RNF112: variants seen among roughly 807,000 people sequenced by gnomAD.
RNF112 encodes brain finger protein.
In RNF112, 34 loss-of-function variants were observed where a neutral mutation model predicts 64.7. The ratio of observed to expected loss-of-function variants is 0.53; its 90% CI spans 0.40 to 0.70. The LOEUF (loss-of-function observed/expected upper bound fraction) is 0.70, where lower values mean the gene tolerates loss of function less well. RNF112 is among the 30% of genes least tolerant of loss of function. The pLI, the probability that RNF112 is intolerant of heterozygous loss-of-function variation, is 0.00. For synonymous variants in RNF112, 345 were observed against 344.5 expected (o/e 1.00, Z -0.02); for missense variants, 734 against 850.0 (o/e 0.86, Z 1.70).
At position 19,411,360 on chromosome 17, in the gene RNF112, T is replaced by C; in HGVS notation, c.-49T>C. 6.3e-7 allele frequency: 1 copy of C among 1,582,930 alleles called. No homozygotes were observed. Among genetic ancestry groups the C allele is most frequent in the Non-Finnish European group, 8.6e-7 (1 of 1,162,906 alleles). ...GCATCCTTACCTCTGGTTGAAGGTC[T>C]CGGGGCCTCCCCCTCTGCATCCGGA... On this transcript the variant is annotated 5_prime_UTR_variant, in exon 1 of 14. Transcript: ENST00000461366.
Position 19,414,884 on chromosome 17 carries a change from G to T in RNF112, c.1123G>T (p.Gly375Cys). The T allele has an allele frequency of 6.2e-7, 1 of 1,613,264 alleles. No individual in the cohort carries two copies. Among genetic ancestry groups the T allele is most frequent in the African/African-American group, 1.3e-5 (1 of 75,030 alleles). ...RRMNQGHASPGDTDDDFRHLL... is the reference protein window; with the variant it reads ...RRMNQGHASPCDTDDDFRHLL... Reference sequence around the variant, plus strand: ...GATGAACCAAGGCCATGCAAGCCCTGGTGGTGAGTGTCTCTGAGAGCTGAA... The same window carrying T: ...GATGAACCAAGGCCATGCAAGCCCTTGTGGTGAGTGTCTCTGAGAGCTGAA... The change falls in exon 10 of 14, where the codon GGT becomes TGT. Residue 375 changes from glycine (G) to cysteine (C), a missense_variant. Gly to Cys is a radical substitution (Grantham distance 159, BLOSUM62 -3). Coordinates refer to ENST00000461366, the MANE Select transcript of RNF112 (RefSeq NM_007148.5).
Position 19,416,366 on chromosome 17 carries a change from C to A in RNF112, c.*191C>A, listed in dbSNP as rs1028146926. The A allele has an allele frequency of 4.3e-5, 25 of 574,870 alleles. No individual in the cohort carries two copies. The highest frequency in any genetic ancestry group is 7.6e-5 in the African/African-American group (4 of 52,608). 35.6% of individuals were successfully genotyped at this position (574,870 alleles called of 1,614,324 possible). ...GCTCTTGGAACCTGGGAGGCAGCAT[C>A]TGGGGGCAGTGGATAGAACACCCGG... On this transcript the variant is annotated 3_prime_UTR_variant, in exon 14 of 14. Coordinates refer to ENST00000461366, the MANE Select transcript of RNF112 (RefSeq NM_007148.5).
In RNF112 at chr17:19,415,799, G is replaced by C. The variant is rs764415055; in HGVS notation, c.1520G>C (p.Arg507Pro). ...LSTQKDAILA[R>P]HGVALLCKGR... is the part of the protein sequence containing the mutation. ...ACCCAGAAAGATGCCATTCTGGCCC[G>C]CCATGGTGTGGCCTTACTCTGCAAG... The change falls in exon 14 of 14, where the codon CGC becomes CCC. Residue 507 changes from arginine to proline, a missense_variant. Transcript: ENST00000461366. The surrounding 1 kb of genome is among the most constrained non-coding windows in gnomAD (Gnocchi z 7.8). 6.2e-7 allele frequency: 1 copy of C among 1,613,588 alleles called. No individual in the cohort carries two copies. The highest frequency in any genetic ancestry group is 8.5e-7 in the Non-Finnish European group (1 of 1,179,896).
chr17:19,414,859 G>A lies in RNF112; in HGVS notation c.1098G>A (p.Arg366=), dbSNP rs780912506. ...CCLLPAPGRR[R]MNQGHASPGD... ...TCTTGCCTGCCCCAGGGAGGCGGCG[G>A]ATGAACCAAGGCCATGCAAGCCCTG... The change falls in exon 10 of 14, where the codon CGG becomes CGA. Residue 366 remains arginine (R), a synonymous_variant. Transcript: ENST00000461366. 2 of 1,613,706 alleles carry A rather than the reference G, an allele frequency of 1.2e-6. No individual in the cohort carries two copies. Among genetic ancestry groups the A allele is most frequent in the South Asian group, 2.2e-5 (2 of 91,086 alleles).
Position 19,415,652 on chromosome 17 carries a change from A to G in RNF112, c.1426-53A>G. The G allele has an allele frequency of 6.2e-7, 1 of 1,601,524 alleles. No homozygotes were observed. On this transcript the variant is annotated intron_variant, in intron 13 of 13. Transcript: ENST00000461366. The surrounding 1 kb of genome is among the most constrained non-coding windows in gnomAD (Gnocchi z 7.8). ...GCCGGGCAGGGTCCAGATCAGGGAG[A>G]GGATACCTGGGACTCCTGGTCAGGG... is the stretch of plus-strand genomic sequence containing the variant.
In RNF112 at chr17:19,413,944, C is replaced by T. The variant is rs1913771507; in HGVS notation, c.826-151C>T. The stretch of plus-strand genomic sequence containing the variant: ...CTTGTCTCCGGCCTTGAGGCCAGCC[C>T]AGCCCTGCAGCCTTCGAGGCCCCCA... On this transcript the variant is annotated intron_variant, in intron 6 of 13. Transcript: ENST00000461366. This position sits in a 1 kb window ranked among gnomAD's most constrained non-coding sequence, Gnocchi z 5.9. The T allele has an allele frequency of 2.9e-6, 2 of 680,298 alleles. No individual in the cohort carries two copies. The highest frequency in any genetic ancestry group is 5.0e-6 in the Non-Finnish European group (2 of 399,338). The allele number at this position is 680,298 out of a possible 1,614,324, so 42.1% of individuals were successfully genotyped here. A position where few individuals can be genotyped will look rare whatever the true frequency, so the allele number is the denominator to read the frequency against.
At position 19,415,978 on chromosome 17, in the gene RNF112, G is replaced by T; in HGVS notation, c.1699G>T (p.Gly567Cys). The T allele has an allele frequency of 6.4e-7, 1 of 1,572,810 alleles. No individual in the cohort carries two copies. Among genetic ancestry groups the T allele is most frequent in the Non-Finnish European group, 8.6e-7 (1 of 1,160,786 alleles). Residue 567 changes from glycine (G) to cysteine (C), a missense_variant, in exon 14 of 14, where the codon GGT (glycine) becomes TGT (cysteine). Coordinates refer to ENST00000461366, the MANE Select transcript of RNF112 (RefSeq NM_007148.5). This position sits in a 1 kb window ranked among gnomAD's most constrained non-coding sequence, Gnocchi z 7.8. ...GLMGLAGGVV[G>C]AGMAAAALAA... ...CATGGGCCTGGCAGGGGGCGTGGTG[G>T]GTGCTGGCATGGCAGCAGCTGCACT...
rs534189493 is a variant in RNF112 at position 19,411,478 on chromosome 17, T to C, written c.54+16T>C. Reference sequence around the variant, plus strand: ...TGGCAAACGGGCAAGTCTTCAGTCCTAAGATCGGGAAGGAGAGTGGGGTGG... The same window carrying C: ...TGGCAAACGGGCAAGTCTTCAGTCCCAAGATCGGGAAGGAGAGTGGGGTGG... On this transcript the variant is annotated intron_variant, in intron 1 of 13. Coordinates refer to ENST00000461366, the MANE Select transcript of RNF112 (RefSeq NM_007148.5). The C allele has an allele frequency of 8.5e-6, 12 of 1,419,478 alleles. No individual in the cohort carries two copies. The East Asian group carries it at 4.3e-4, about 50-fold the overall frequency. 87.9% of individuals were successfully genotyped at this position (1,419,478 alleles called of 1,614,324 possible). A position where few individuals can be genotyped will look rare whatever the true frequency, so the allele number is the denominator to read the frequency against.
chr17:19,415,861 C>T lies in RNF112; in HGVS notation c.1582C>T (p.Leu528=), dbSNP rs765418380. 2 of 1,613,810 alleles carry T rather than the reference C, an allele frequency of 1.2e-6. No homozygotes were observed. Among genetic ancestry groups the T allele is most frequent in the Non-Finnish European group, 1.7e-6 (2 of 1,179,868 alleles). ...GACCTTGGAGGCACTGGAAGCTGAG[C>T]TGCAGGCCACGGCCAAGGCCTTCAT... ...DQTLEALEAE[L]QATAKAFMDS... Residue 528 remains leucine (L), a synonymous_variant, in exon 14 of 14, where the codon CTG becomes TTG. Transcript: ENST00000461366. The surrounding 1 kb of genome is among the most constrained non-coding windows in gnomAD (Gnocchi z 7.8).
rs1176178178 is a variant in RNF112, at chr17:19,415,620, G to A, written c.1425+28G>A. 1 of 1,609,062 alleles carries A rather than the reference G, an allele frequency of 6.2e-7. No individual in the cohort carries two copies. The highest frequency in any genetic ancestry group is 8.5e-7 in the Non-Finnish European group (1 of 1,177,508). ...GAGCCCCGGGGCTGCACGGGAGGCA[G>A]GTGTGGGCCGGGCAGGGTCCAGATC... On this transcript the variant is annotated intron_variant, in intron 13 of 13. Transcript: ENST00000461366. This position sits in a 1 kb window ranked among gnomAD's most constrained non-coding sequence, Gnocchi z 7.8.
intron 1 of RNF112, 51 bp downstream of exon 1, chr17:19,411,513 TC>T (rs1190833520): frequency 1.5e-6 from 1 of 683,930 alleles, no homozygotes; most frequent in Non-Finnish European, 2.3e-6. Context: ...GGAAGGGCCC[TC>T]CTTGGGCTGG....
chr17:19,414,377 G>A (rs1913787609), intron 7 of RNF112, 72 bp from the exon 8 acceptor site: 1 of 1,574,104 alleles, frequency 6.4e-7, no homozygotes, highest in Non-Finnish European at 8.7e-7. Flanking sequence ...AGGGAGGTGG[G>A]GAGACAGGCT....
At position 19,416,014 on chromosome 17, in the gene RNF112, G is replaced by C; in HGVS notation, c.1735G>C (p.Ala579Pro). The change falls in exon 14 of 14, where the codon GCT (alanine) becomes CCT (proline). Residue 579 changes from alanine to proline, a missense_variant. Coordinates refer to ENST00000461366, the MANE Select transcript of RNF112 (RefSeq NM_007148.5). ...GGCAGCAGCTGCACTGGCTGCAGAGGCTGGGATGGTGGCTGCTGGAGCTGC... is the reference window on the plus strand; with the variant it reads ...GGCAGCAGCTGCACTGGCTGCAGAGCCTGGGATGGTGGCTGCTGGAGCTGC... ...GMAAAALAAEAGMVAAGAAVG... is the reference protein window; with the variant it reads ...GMAAAALAAEPGMVAAGAAVG... 6.4e-7 allele frequency: 1 copy of C among 1,551,740 alleles called. No individual in the cohort carries two copies. Among genetic ancestry groups the C allele is most frequent in the Non-Finnish European group, 8.7e-7 (1 of 1,150,104 alleles).
In RNF112 at chr17:19,412,965, C is replaced by T; in HGVS notation, c.409C>T (p.Leu137=). ...GACGTGTCCTGTGAGGGCGGAGCCGCTGCTGCTGGTTCGCATCAATGCCTC... is the reference window on the plus strand; with the variant it reads ...GACGTGTCCTGTGAGGGCGGAGCCGTTGCTGCTGGTTCGCATCAATGCCTC... The part of the protein sequence containing the change: ...QETCPVRAEP[L]LLVRINASGG... The change falls in exon 4 of 14, where the codon CTG becomes TTG. Residue 137 remains leucine (L), a synonymous_variant. Transcript: ENST00000461366. This position sits in a 1 kb window ranked among gnomAD's most constrained non-coding sequence, Gnocchi z 5.1. 6.2e-7 allele frequency: 1 copy of T among 1,603,636 alleles called. No homozygotes were observed. The highest frequency in any genetic ancestry group is 2.2e-5 in the East Asian group (1 of 44,512).
Position 19,416,130 on chromosome 17 carries a change from G to A in RNF112, c.1851G>A (p.Glu617=). Residue 617 remains glutamate (E), a synonymous_variant, in exon 14 of 14, where the codon GAG becomes GAA. Transcript: ENST00000461366. ...GCTGCATGGAGAAGGAGGAGGATGA[G>A]AGGCTTCTGGAAGGGGACCGAGAGC... ...TVGCMEKEED[E]RLLEGDREPL... 3 of 1,577,068 alleles carry A rather than the reference G, an allele frequency of 1.9e-6. No homozygotes were observed. The highest frequency in any genetic ancestry group is 2.6e-6 in the Non-Finnish European group (3 of 1,162,080).
In RNF112 at chr17:19,415,643, A is replaced by G; in HGVS notation, c.1425+51A>G. 1 of 1,604,550 alleles carries G rather than the reference A, an allele frequency of 6.2e-7. No homozygotes were observed. Among genetic ancestry groups the G allele is most frequent in the Admixed American group, 1.7e-5 (1 of 59,134 alleles). ...CAGGTGTGGGCCGGGCAGGGTCCAG[A>G]TCAGGGAGAGGATACCTGGGACTCC... On this transcript the variant is annotated intron_variant, in intron 13 of 13. Transcript: ENST00000461366. The surrounding 1 kb of genome is among the most constrained non-coding windows in gnomAD (Gnocchi z 7.8).
At chr17:19,414,396 A>C in intron 7 of RNF112, 53 bp from the exon 8 acceptor site, 1 of 1,605,906 alleles carries the variant, frequency 6.2e-7, no homozygotes, top group Non-Finnish European at 8.5e-7. Context: ...CTTGGGGTGC[A>C]CCATAGTCCT....
intron 1 of RNF112, 74 bp downstream of exon 1, chr17:19,411,536 G>A (rs759766981): frequency 2.8e-5 from 43 of 1,508,956 alleles, no homozygotes; most frequent in Non-Finnish European, 3.9e-5. Flanking sequence ...GGATGGGCCG[G>A]GGGTGGGGAG....
rs974967726 is a variant in RNF112 at position 19,414,496 on chromosome 17, G to A, written c.924G>A (p.Val308=). 5.6e-6 allele frequency: 9 copies of A among 1,613,870 alleles called. No individual in the cohort carries two copies. In the African/African-American group the frequency reaches 9.3e-5, roughly 17 times the overall value. Residue 308 remains valine (V), a synonymous_variant, in exon 8 of 14, where the codon GTG becomes GTA. Transcript: ENST00000461366. The part of the protein sequence containing the change: ...AEVMGKHYGM[V]PIQHLDLLVR... ...TGATGGGCAAGCATTATGGGATGGT[G>A]CCAATCCAGGTGAGACACCTATCTC...
Sources: gnomAD v4.1 joint callset for allele counts on GRCh38, gnomAD v4.1.1 for gene constraint, Gnocchi (gnomAD v3.1) non-coding constraint, MANE v1.5 for transcripts, NCBI Gene and HGNC (gene_info 2026-07-23, HGNC 2026-07-21) for gene names.